The following NELL1 variants were observed in gnomAD, a reference collection of about 807,000 sequenced individuals.
The protein encoded by NELL1 is neural EGFL like 1, also known as protein kinase C-binding protein NELL1.
Under a neutral mutation model 107.4 loss-of-function variants are expected in NELL1, and 76 were observed. The ratio of observed to expected loss-of-function variants is 0.71; its 90% CI spans 0.59 to 0.86. The LOEUF (loss-of-function observed/expected upper bound fraction) is 0.86, where lower values mean the gene tolerates loss of function less well. Ranked by LOEUF, NELL1 falls within the 40% of genes least tolerant of loss-of-function variation. The pLI, the probability that NELL1 is intolerant of heterozygous loss-of-function variation, is 0.00. For missense variants in NELL1, 1,024 were observed against 1,005.5 expected (o/e 1.02, Z -0.25); for synonymous variants, 353 against 341.2 (o/e 1.03, Z -0.38).
rs1554995039 is a variant in NELL1 at position 21,290,390 on chromosome 11, A to AATAAATAG, written c.1549+60944_1549+60951dup. Among the ~76,000 whole-genome samples the AATAAATAG allele has an allele frequency of 2.0e-3, 168 of 84,046 alleles. 1 individual carries two copies. Among genetic ancestry groups the AATAAATAG allele is most frequent in the African/African-American group, 4.0e-3 (126 of 31,842 alleles). The allele number at this position is 84,046 out of a possible 152,430, so 55.1% of individuals were successfully genotyped here. ...TCTCAAAAAATAAATAAATAAATAA[A>AATAAATAG]ATAAATAGATAAATAAATAAATAAA... On this transcript the variant is annotated intron_variant, in intron 14 of 19. Transcript: ENST00000357134.
intron 14 of NELL1, among the ~76,000 whole-genome samples, chr11:21,272,170 A>G (rs1242781533): frequency 6.6e-6 from 1 of 152,242 alleles, no homozygotes; most frequent in South Asian, 2.1e-4. Flanking sequence ...AAGGGGTGAC[A>G]GACAGCACCT....
At chr11:20,736,108 T>C (rs1855755074) in intron 2 of NELL1, among the ~76,000 whole-genome samples, 1 of 152,198 alleles carries the variant, frequency 6.6e-6, no homozygotes, top group Admixed American at 6.5e-5. Flanking sequence ...GAGCTAGTTC[T>C]GCCTCTATTC....
chr11:20,996,722 G>A (rs1852098365), intron 12 of NELL1, among the ~76,000 whole-genome samples: 2 of 152,128 alleles, frequency 1.3e-5, no homozygotes, highest in Non-Finnish European at 2.9e-5. Context: ...TCCATCTTTA[G>A]AGGCTCTCCT....
chr11:21,470,349 C>G (rs1422218292), intron 15 of NELL1, among the ~76,000 whole-genome samples: 3 of 152,064 alleles, frequency 2.0e-5, no homozygotes, highest in Non-Finnish European at 4.4e-5. Context: ...TCTCTATGAT[C>G]TGGTCCTTAC....
chr11:20,721,487 C>A (rs1855387839), intron 2 of NELL1, among the ~76,000 whole-genome samples: 1 of 151,998 alleles, frequency 6.6e-6, no homozygotes, highest in African/African-American at 2.4e-5. Flanking sequence ...GTTGCTGTGG[C>A]AAATTGTGGG....
At chr11:20,787,962 G>T (rs1487404263) in intron 3 of NELL1, among the ~76,000 whole-genome samples, 2 of 152,168 alleles carry the variant, frequency 1.3e-5, no homozygotes, top group African/African-American at 4.8e-5. Flanking sequence ...CATACACTGT[G>T]TATCCCTTTT....
chr11:21,049,772 G>T (rs1403413075), intron 12 of NELL1, among the ~76,000 whole-genome samples: 1 of 151,994 alleles, frequency 6.6e-6, no homozygotes, highest in South Asian at 2.1e-4. Flanking sequence ...CCATCTCCCA[G>T]GTTCAAGCGA....
chr11:20,678,140 T>G (rs1854107523), intron 2 of NELL1, 80 bp downstream of exon 2: 1 of 1,511,960 alleles, frequency 6.6e-7, no homozygotes, highest in Non-Finnish European at 9.2e-7. Context: ...TGTTGTGTGT[T>G]TGTCTGGAGA....
chr11:21,037,139 A>C (rs145388719), intron 12 of NELL1, among the ~76,000 whole-genome samples: 1 of 152,098 alleles, frequency 6.6e-6, no homozygotes, highest in African/African-American at 2.4e-5. Context: ...TTATATCTTC[A>C]GGGTTCATTA....
intron 4 of NELL1, among the ~76,000 whole-genome samples, chr11:20,883,428 G>C (rs1180444574): frequency 1.3e-5 from 2 of 152,200 alleles, no homozygotes; most frequent in Non-Finnish European, 2.9e-5. Flanking sequence ...GCTCATTGGA[G>C]CTTATCTTCT....
chr11:21,343,966 G>C (rs919250436), intron 14 of NELL1, among the ~76,000 whole-genome samples: 2 of 152,024 alleles, frequency 1.3e-5, no homozygotes, highest in African/African-American at 4.8e-5. Context: ...TTTTATTCTT[G>C]CTTTTATTTG....
intron 15 of NELL1, among the ~76,000 whole-genome samples, chr11:21,375,146 T>C (rs1851445238): frequency 6.6e-6 from 1 of 152,054 alleles, no homozygotes; most frequent in Non-Finnish European, 1.5e-5. Context: ...GGATGAGTAA[T>C]CCTGTCACTT....
At chr11:20,733,268 C>A (rs10766719) in intron 2 of NELL1, among the ~76,000 whole-genome samples, 78,578 of 152,026 alleles carry the variant, frequency 0.52, 23,152 homozygotes, top group Middle Eastern at 0.74. Context: ...TACAATTTAG[C>A]GGTCTCCTTA....
chr11:21,371,609 A>G (rs1851359951), intron 15 of NELL1, among the ~76,000 whole-genome samples: 1 of 152,080 alleles, frequency 6.6e-6, no homozygotes, highest in African/African-American at 2.4e-5. Flanking sequence ...TTCAATGCCA[A>G]TGTATGTGTC....
chr11:21,332,410 C>T (rs1465400424), intron 14 of NELL1, among the ~76,000 whole-genome samples: 2 of 151,918 alleles, frequency 1.3e-5, no homozygotes, highest in Non-Finnish European at 2.9e-5. Flanking sequence ...TATCCTATGC[C>T]ATTTTTCTAG....
chr11:21,480,285 T>C (rs1854460809), intron 15 of NELL1, among the ~76,000 whole-genome samples: 1 of 152,198 alleles, frequency 6.6e-6, no homozygotes, highest in South Asian at 2.1e-4. Flanking sequence ...GTTTTCATTC[T>C]TATTAAATTG....
At chr11:21,553,461 C>A (rs938987900) in intron 16 of NELL1, among the ~76,000 whole-genome samples, 1 of 151,802 alleles carries the variant, frequency 6.6e-6, no homozygotes, top group African/African-American at 2.4e-5. Flanking sequence ...CTTTCCTTCA[C>A]CTCTAACCTG....
chr11:21,268,943 G>C (rs1848686729), intron 14 of NELL1, among the ~76,000 whole-genome samples: 1 of 152,058 alleles, frequency 6.6e-6, no homozygotes, highest in African/African-American at 2.4e-5. Flanking sequence ...TGTAATCAGA[G>C]AGATGGAAAT....
chr11:20,960,251 C>T (rs964910770), intron 11 of NELL1, among the ~76,000 whole-genome samples, 181 bp from the exon 12 acceptor site: 10 of 152,146 alleles, frequency 6.6e-5, no homozygotes, highest in Non-Finnish European at 1.5e-4. Context: ...CCTCTTACGC[C>T]TTGGACAGCC....
Sources: gnomAD v4.1 joint callset for allele counts (sites outside exome capture counted in the v4.1 genomes callset) on GRCh38, gnomAD v4.1.1 for gene constraint, MANE v1.5 for transcripts, NCBI Gene and HGNC (gene_info 2026-07-23, HGNC 2026-07-21) for gene names.